Variants in PDS5B observed in about 807,000 individuals in gnomAD.
PDS5B encodes the protein sister chromatid cohesion protein PDS5 homolog B.
In PDS5B, 51 loss-of-function variants were observed where a neutral mutation model predicts 184.1. The observed-to-expected ratio is 0.28, with a 90% CI of 0.22 to 0.35. The LOEUF (loss-of-function observed/expected upper bound fraction) is 0.35. Among genes scored for constraint, PDS5B ranks in the 10% least tolerant of loss-of-function variants. The pLI is 1.00. For synonymous variants in PDS5B, 566 were observed against 569.2 expected, an observed-to-expected ratio of 0.99 and a Z score of 0.08; for missense variants, 1,180 against 1,723.3, an observed-to-expected ratio of 0.68 and a Z score of 5.58.
chr13:32,686,877 A>G (rs1463477789), intron 11 of PDS5B, among the ~76,000 whole-genome samples: 1 of 152,202 alleles, frequency 6.6e-6, no homozygotes, highest in African/African-American at 2.4e-5. Flanking sequence ...TCAGGCATAG[A>G]TGATAGGTTT....
chr13:32,654,668 C>T (rs1423256395), intron 3 of PDS5B, among the ~76,000 whole-genome samples: 1 of 151,990 alleles, frequency 6.6e-6, no homozygotes, highest in Non-Finnish European at 1.5e-5. Flanking sequence ...GGTAGTTTTC[C>T]GATCCTCACC....
intron 22 of PDS5B, 144 bp from the exon 23 acceptor site, chr13:32,742,447 G>A (rs1253520934): frequency 2.5e-5 from 15 of 591,142 alleles, no homozygotes; most frequent in East Asian, 2.1e-4. Context: ...TAAAACATTC[G>A]AGATTATCTT....
Position 32,694,294 on chromosome 13 carries a change from A to T in PDS5B, c.1541A>T (p.Lys514Met), listed in dbSNP as rs759453772. ...GTAAAGGATTTGCTTGACTTGATTA[A>T]GCAACCCAAAGTAAGTAAGAATTTT... ...HQVKDLLDLI[K>M]QPKTDASVKA... Residue 514 changes from lysine (K) to methionine (M), a missense_variant, in exon 14 of 35, where the codon AAG (lysine) becomes ATG (methionine). Coordinates refer to ENST00000315596, the MANE Select transcript of PDS5B (RefSeq NM_015032.4). 1.9e-6 allele frequency: 3 copies of T among 1,590,376 alleles called. No homozygotes were observed. The highest frequency in any genetic ancestry group is 1.7e-6 in the Non-Finnish European group (2 of 1,167,994).
At chr13:32,688,429 T>TAC (rs1566329423) in intron 12 of PDS5B, 27 bp from the exon 13 acceptor site, 9 of 1,159,478 alleles carry the variant, frequency 7.8e-6, no homozygotes, top group Non-Finnish European at 1.1e-5. Context: ...AAAAAATCAA[T>TAC]ACAATGCCTT....
chr13:32,604,127 T>C (rs2058023070), intron 1 of PDS5B, among the ~76,000 whole-genome samples: 1 of 152,336 alleles, frequency 6.6e-6, no homozygotes, highest in Admixed American at 6.5e-5. Context: ...ATAGGAGTGG[T>C]GAGAGAGGGC....
intron 9 of PDS5B, among the ~76,000 whole-genome samples, chr13:32,677,397 T>A (rs1440218257): frequency 1.3e-5 from 2 of 152,148 alleles, no homozygotes; most frequent in Non-Finnish European, 2.9e-5. Context: ...AATCCTAATG[T>A]AAATGTATAT....
In PDS5B at chr13:32,598,770, C is replaced by CTTTT. The variant is rs756301581; in HGVS notation, c.-20+12192_-20+12195dup. On this transcript the variant is annotated intron_variant, in intron 1 of 34. Coordinates refer to ENST00000315596, the MANE Select transcript of PDS5B (RefSeq NM_015032.4). Reference sequence around the variant, plus strand: ...TCTCAGTTGATGGTTTTTTTTCTCTCTTTTTTTTTTTTTTTTTTGAGACAG... The same window carrying CTTTT: ...TCTCAGTTGATGGTTTTTTTTCTCTCTTTTTTTTTTTTTTTTTTTTTTGAGACAG... Among the ~76,000 whole-genome samples the CTTTT allele has an allele frequency of 7.9e-3, 992 of 126,284 alleles. 27 individuals carry two copies. Among genetic ancestry groups the CTTTT allele is most frequent in the African/African-American group, 0.021 (727 of 34,030 alleles). The allele number at this position is 126,284 out of a possible 152,430, so 82.8% of individuals were successfully genotyped here.
intron 1 of PDS5B, among the ~76,000 whole-genome samples, chr13:32,587,331 A>G (rs2057703600): frequency 6.6e-6 from 1 of 152,156 alleles, no homozygotes; most frequent in South Asian, 2.1e-4. Flanking sequence ...GGAAGAGCCC[A>G]GCACTGGCGT....
intron 6 of PDS5B, among the ~76,000 whole-genome samples, chr13:32,660,990 T>TA (rs1308585781): frequency 6.6e-6 from 1 of 151,826 alleles, no homozygotes; most frequent in Non-Finnish European, 1.5e-5. Flanking sequence ...ACAAAATTTT[T>TA]AAAAAAAATT....
intron 33 of PDS5B, among the ~76,000 whole-genome samples, chr13:32,771,808 T>C (rs1954795997): frequency 6.6e-6 from 1 of 152,164 alleles, no homozygotes; most frequent in Non-Finnish European, 1.5e-5. Context: ...ATGAATGATG[T>C]AACAAGGAAA....
chr13:32,717,918 A>G (rs1316035692), intron 19 of PDS5B, among the ~76,000 whole-genome samples: 1 of 145,286 alleles, frequency 6.9e-6, no homozygotes, highest in Non-Finnish European at 1.5e-5. Flanking sequence ...CCCAAAAAAA[A>G]ACGCTAAGAC....
chr13:32,612,667 A>G lies in PDS5B; in HGVS notation c.-20+26074A>G, dbSNP rs2058161218. ...TGATTAGATCCTGAGGGTTGAGTGA[A>G]TGGATTAATGCTGCTATTGCGGAAA... is the stretch of plus-strand genomic sequence containing the variant. On this transcript the variant is annotated intron_variant, in intron 1 of 34. Transcript: ENST00000315596. Among the ~76,000 whole-genome samples the G allele has an allele frequency of 2.6e-5, 4 of 152,192 alleles. No individual in the cohort carries two copies. In the South Asian group the frequency reaches 6.2e-4, roughly 24 times the overall value.
rs764494799 is a variant in PDS5B at position 32,742,748 on chromosome 13, A to G, written c.2612+21A>G. On this transcript the variant is annotated intron_variant, in intron 23 of 34. Transcript: ENST00000315596. ...ATTAGGTATGCAATTACTATTTCAC[A>G]GTTCTTTGGATTGCATAATATTTCA... 6 of 1,602,680 alleles carry G rather than the reference A, an allele frequency of 3.7e-6. No individual in the cohort carries two copies. In the African/African-American group the frequency reaches 6.7e-5, roughly 18 times the overall value.
intron 1 of PDS5B, among the ~76,000 whole-genome samples, 198 bp downstream of exon 1, chr13:32,586,791 G>A (rs2140447290): frequency 6.8e-6 from 1 of 147,154 alleles, no homozygotes; most frequent in South Asian, 2.1e-4. Context: ...CCCGGGGCGG[G>A]GGTCGCGGGG....
rs757156986 is a variant in PDS5B, at chr13:32,706,914, CTTTT to C, written c.1857-17_1857-14del. On this transcript the variant is annotated splice_polypyrimidine_tract_variant and intron_variant, in intron 17 of 34. Transcript: ENST00000315596. ...TTGCTAGTAACATTTGAAAAAATGA[CTTTT>C]TTGGTCATATTTTAGTGCTCTTATT... 1 of 1,512,454 alleles carries C rather than the reference CTTTT, an allele frequency of 6.6e-7. No individual in the cohort carries two copies. The highest frequency in any genetic ancestry group is 9.1e-7 in the Non-Finnish European group (1 of 1,097,260). The allele number at this position is 1,512,454 out of a possible 1,614,324, so 93.7% of individuals were successfully genotyped here. A position where few individuals can be genotyped will look rare whatever the true frequency, so the allele number is the denominator to read the frequency against.
intron 19 of PDS5B, among the ~76,000 whole-genome samples, chr13:32,715,094 G>T (rs1952333061): frequency 6.6e-6 from 1 of 152,146 alleles, no homozygotes; most frequent in African/African-American, 2.4e-5. Flanking sequence ...CTCTGTTTGG[G>T]GTCCCTGACT....
chr13:32,695,702 G>T (rs1297672312), intron 14 of PDS5B, among the ~76,000 whole-genome samples: 1 of 151,930 alleles, frequency 6.6e-6, no homozygotes, highest in Non-Finnish European at 1.5e-5. Context: ...ATATAACTTT[G>T]TTTTTGATTC....
chr13:32,702,650 C>T (rs531381668), intron 17 of PDS5B, among the ~76,000 whole-genome samples: 3 of 151,884 alleles, frequency 2.0e-5, no homozygotes, highest in Non-Finnish European at 4.4e-5. Context: ...GCCATTCTTG[C>T]CATTGAGGTT....
intron 8 of PDS5B, 86 bp from the exon 9 acceptor site, chr13:32,675,758 A>G (rs1951047900): frequency 1.5e-6 from 1 of 681,464 alleles, no homozygotes; most frequent in African/African-American, 1.8e-5. Flanking sequence ...GAATTGGAGC[A>G]TCAGGGAAAT....
Sources: gnomAD v4.1 joint callset for allele counts (sites outside exome capture counted in the v4.1 genomes callset) on GRCh38, gnomAD v4.1.1 for gene constraint, MANE v1.5 for transcripts, NCBI Gene and HGNC (gene_info 2026-07-23, HGNC 2026-07-21) for gene names.